NCMAP: variants seen among roughly 807,000 people sequenced by gnomAD.
The protein encoded by NCMAP is noncompact myelin-associated protein.
A neutral mutation model predicts 7.8 loss-of-function variants in NCMAP; 8 were observed. The observed-to-expected ratio is 1.02, with a 90% CI of 0.60 to 1.84. The LOEUF (loss-of-function observed/expected upper bound fraction) is 1.84, where lower values mean the gene tolerates loss of function less well. Among genes scored for constraint, NCMAP ranks in the 40% most tolerant of loss-of-function variants. The pLI is 0.00. For synonymous variants in NCMAP, 41 were observed against 52.9 expected (o/e 0.78, Z 0.98); for missense variants, 112 against 131.4 (o/e 0.85, Z 0.72).
intron 1 of NCMAP, among the ~76,000 whole-genome samples, chr1:24,586,967 A>G (rs1260141758): frequency 6.6e-6 from 1 of 152,166 alleles, no homozygotes; most frequent in Non-Finnish European, 1.5e-5. Context: ...TGAGTATAGG[A>G]CATGCTTCAT....
At chr1:24,563,534 C>CAAAAAAAAAAAAAA (rs57911205) in intron 1 of NCMAP, 6 of 125,370 alleles carry the variant, frequency 4.8e-5, no homozygotes, top group Admixed American at 8.2e-5. Flanking sequence ...AAAACAACAA[C>CAAAAAAAAAAAAAA]AAAAAAAAAA....
At chr1:24,591,795 G>T (rs1038551728) in intron 1 of NCMAP, among the ~76,000 whole-genome samples, 1 of 152,202 alleles carries the variant, frequency 6.6e-6, no homozygotes, top group East Asian at 1.9e-4. Flanking sequence ...GGGAGGGTTA[G>T]GCAGGGCCCC....
chr1:24,597,647 GAA>G (rs1414348472), intron 2 of NCMAP, among the ~76,000 whole-genome samples: 1 of 131,058 alleles, frequency 7.6e-6, no homozygotes, highest in Non-Finnish European at 1.6e-5. Context: ...AAGAAAGAAA[GAA>G]AGAAAGAAAG....
At chr1:24,600,313 G>A (rs189057041) in intron 2 of NCMAP, among the ~76,000 whole-genome samples, 1 of 151,626 alleles carries the variant, frequency 6.6e-6, no homozygotes, top group Non-Finnish European at 1.5e-5. Context: ...ACCACACCTG[G>A]CTAATTTTTA....
At chr1:24,577,412 T>G (rs1651612280) in intron 1 of NCMAP, among the ~76,000 whole-genome samples, 2 of 145,260 alleles carry the variant, frequency 1.4e-5, no homozygotes, top group East Asian at 2.0e-4. Context: ...TTTTTTTTTT[T>G]TTTTTTTTTT....
intron 3 of NCMAP, among the ~76,000 whole-genome samples, chr1:24,604,108 G>C (rs1435590964): frequency 6.6e-6 from 1 of 152,140 alleles, no homozygotes; most frequent in Admixed American, 6.5e-5. Context: ...CATGAGGGTG[G>C]AGTCCTTATG....
chr1:24,595,195 G>A (rs969276940), intron 1 of NCMAP, among the ~76,000 whole-genome samples: 1 of 152,156 alleles, frequency 6.6e-6, no homozygotes, highest in African/African-American at 2.4e-5. Flanking sequence ...AAATATGGTT[G>A]AATAAATTTA....
intron 3 of NCMAP, among the ~76,000 whole-genome samples, chr1:24,603,548 G>GA (rs1441978055): frequency 5.9e-5 from 9 of 152,190 alleles, no homozygotes; most frequent in African/African-American, 2.2e-4. Flanking sequence ...GCCTGAGCTG[G>GA]GAAGTGAGAA....
Position 24,605,898 on chromosome 1 carries a change from C to T in NCMAP, c.*151C>T. ...GCAATCTCTGATGCTTCCAGCAATC[C>T]TCAACCTTGTCTGCCCTGCCCTACC... On this transcript the variant is annotated 3_prime_UTR_variant, in exon 4 of 4. Transcript: ENST00000374392. The T allele has an allele frequency of 2.1e-6, 2 of 938,410 alleles. No homozygotes were observed. The highest frequency in any genetic ancestry group is 3.1e-6 in the Non-Finnish European group (2 of 637,362). The allele number at this position is 938,410 out of a possible 1,614,324, so 58.1% of individuals were successfully genotyped here.
At chr1:24,564,961 T>A (rs1158108325) in intron 1 of NCMAP, among the ~76,000 whole-genome samples, 12 of 152,182 alleles carry the variant, frequency 7.9e-5, no homozygotes, top group Non-Finnish European at 7.3e-5. Context: ...AATAAAAATA[T>A]TCTTAGGCAA....
chr1:24,569,512 A>T (rs988251255), intron 1 of NCMAP, among the ~76,000 whole-genome samples: 2 of 150,472 alleles, frequency 1.3e-5, no homozygotes, highest in African/African-American at 2.5e-5. Flanking sequence ...CAGTCAAATG[A>T]TAATAGTAAC....
intron 1 of NCMAP, among the ~76,000 whole-genome samples, chr1:24,575,097 A>G (rs1248654860): frequency 6.6e-6 from 1 of 152,002 alleles, no homozygotes; most frequent in Non-Finnish European, 1.5e-5. Context: ...GCCAAGGCCC[A>G]TAATACTTTT....
intron 1 of NCMAP, among the ~76,000 whole-genome samples, chr1:24,593,492 CAAAT>C (rs560073158): frequency 1.3e-5 from 2 of 151,808 alleles, no homozygotes; most frequent in Non-Finnish European, 2.9e-5. Context: ...GACTCCATCT[CAAAT>C]AAATAAATAA....
chr1:24,574,291 G>C (rs965485258), intron 1 of NCMAP, among the ~76,000 whole-genome samples: 5 of 150,690 alleles, frequency 3.3e-5, no homozygotes, highest in Admixed American at 2.0e-4. Context: ...GCTAATTTTT[G>C]TACTTTTAGT....
chr1:24,576,153 G>A lies in NCMAP; in HGVS notation c.-7-19271G>A, dbSNP rs916154988. Reference sequence around the variant, plus strand: ...CAGATGGCTCCCCTGCCTGTCCCCCGACCTGCCTTTCTTGGTCCAGTTTCC... The same window carrying A: ...CAGATGGCTCCCCTGCCTGTCCCCCAACCTGCCTTTCTTGGTCCAGTTTCC... On this transcript the variant is annotated intron_variant, in intron 1 of 3. Transcript: ENST00000374392. This position sits in a 1 kb window ranked among gnomAD's most constrained non-coding sequence, Gnocchi z 4.0. 3.9e-5 allele frequency among the ~76,000 whole-genome samples: 6 copies of A among 151,958 alleles called. No homozygotes were observed. Among genetic ancestry groups the A allele is most frequent in the African/African-American group, 4.8e-5 (2 of 41,370 alleles).
intron 1 of NCMAP, among the ~76,000 whole-genome samples, chr1:24,574,272 C>A (rs912349122): frequency 1.3e-5 from 2 of 150,658 alleles, no homozygotes; most frequent in Non-Finnish European, 2.9e-5. Flanking sequence ...GTGCGTGCCA[C>A]CATGCCCAGC....
chr1:24,572,276 T>C lies in NCMAP; in HGVS notation c.-8+16107T>C, dbSNP rs894603166. ...CACTGAGGGCGTTCCCCCACTGGGA[T>C]ATGACTTGGAGGTAGAGATGGGCTC... On this transcript the variant is annotated intron_variant, in intron 1 of 3. Transcript: ENST00000374392. Among the ~76,000 whole-genome samples, 4 of 150,640 alleles carry C rather than the reference T, an allele frequency of 2.7e-5. No homozygotes were observed. In the South Asian group the frequency reaches 8.3e-4, roughly 31 times the overall value.
intron 1 of NCMAP, among the ~76,000 whole-genome samples, chr1:24,582,925 T>C (rs540059197): frequency 6.6e-6 from 1 of 152,350 alleles, no homozygotes; most frequent in South Asian, 2.1e-4. Context: ...AGAAAACATA[T>C]ACAAAGTACT....
intron 1 of NCMAP, among the ~76,000 whole-genome samples, chr1:24,579,570 CA>C (rs1651687783): frequency 6.6e-6 from 1 of 152,062 alleles, no homozygotes; most frequent in Non-Finnish European, 1.5e-5. Flanking sequence ...CCCATCTCTA[CA>C]AAACTAAAAA....
Sources: gnomAD v4.1 joint callset for allele counts (sites outside exome capture counted in the v4.1 genomes callset) on GRCh38, gnomAD v4.1.1 for gene constraint, Gnocchi (gnomAD v3.1) non-coding constraint, MANE v1.5 for transcripts, NCBI Gene and HGNC (gene_info 2026-07-23, HGNC 2026-07-21) for gene names.